TRIM49D1: variants seen among roughly 807,000 people sequenced by gnomAD.
TRIM49D1 encodes tripartite motif-containing protein 49D.
rs539301883 is a variant in TRIM49D1 at position 89,921,074 on chromosome 11, A to C, written c.-215-565T>G. Among the ~76,000 whole-genome samples, 128 of 152,202 alleles carry C rather than the reference A, an allele frequency of 8.4e-4. 2 individuals carry two copies. In the South Asian group the frequency reaches 0.01, roughly 12 times the overall value. Reference sequence around the variant, plus strand: ...CTTTAGTACATTTATAGGATATTCGAAGAGAAGTCCAACAGGAAGATAAAA... The same window carrying C: ...CTTTAGTACATTTATAGGATATTCGCAGAGAAGTCCAACAGGAAGATAAAA... On this transcript the variant is annotated intron_variant, in intron 1 of 7. Coordinates refer to ENST00000420869, the MANE Select transcript of TRIM49D1 (RefSeq NM_001384911.1).
rs879316754 is a variant in TRIM49D1, at chr11:89,922,050, T to G, written c.-414A>C. 5.9e-5 allele frequency among the ~76,000 whole-genome samples: 9 copies of G among 151,926 alleles called. No individual in the cohort carries two copies. The highest frequency in any genetic ancestry group is 1.3e-4 in the Non-Finnish European group (9 of 68,022). ...TTGAATAGGGTGTCCTCTCCCCACT[T>G]TATGTTTTTGTTTGCTTTGTCAAAG... On this transcript the variant is annotated 5_prime_UTR_variant, in exon 1 of 8. Transcript: ENST00000420869.
chr11:89,920,784 G>C (rs892402305), intron 1 of TRIM49D1, among the ~76,000 whole-genome samples: 12 of 152,022 alleles, frequency 7.9e-5, no homozygotes, highest in Non-Finnish European at 1.6e-4. Flanking sequence ...TGCTTGTGGA[G>C]TGCAGTGGTA....
intron 1 of TRIM49D1, among the ~76,000 whole-genome samples, 135 bp from the exon 2 acceptor site, chr11:89,920,644 T>C (rs1950326236): frequency 6.6e-6 from 1 of 152,104 alleles, no homozygotes; most frequent in African/African-American, 2.4e-5. Context: ...GAATCATATG[T>C]AACATAAATC....
At chr11:89,921,660 A>C (rs971491541) in intron 1 of TRIM49D1, 192 bp downstream of exon 1, 3 of 152,068 alleles carry the variant, frequency 2.0e-5, no homozygotes, top group Non-Finnish European at 4.4e-5. Flanking sequence ...AGCAAGTATG[A>C]GATCCCTGTT....
At chr11:89,921,090 G>A (rs72954723) in intron 1 of TRIM49D1, among the ~76,000 whole-genome samples, 3,184 of 152,066 alleles carry the variant, frequency 0.021, 56 homozygotes, top group East Asian at 0.042. Flanking sequence ...AGTCCAACAG[G>A]AAGATAAAAC....
Position 89,912,605 on chromosome 11 carries a change from G to GT in TRIM49D1, c.860-520dup, listed in dbSNP as rs1045303506. 5.4e-4 allele frequency among the ~76,000 whole-genome samples: 72 copies of GT among 132,430 alleles called. 1 individual carries two copies. The highest frequency in any genetic ancestry group is 1.7e-3 in the African/African-American group (65 of 37,960). 86.9% of individuals were successfully genotyped at this position (132,430 alleles called of 152,430 possible). On this transcript the variant is annotated intron_variant, in intron 7 of 7. Coordinates refer to ENST00000420869, the MANE Select transcript of TRIM49D1 (RefSeq NM_001384911.1). ...TGCAAAATCTTTTACCAGTCTCTCT[G>GT]TTGGCCCTCCATGCTAGCTTGGGGC... is the stretch of plus-strand genomic sequence containing the variant.
In TRIM49D1 at chr11:89,922,155, C is replaced by G. The variant is rs972665141; in HGVS notation, c.-519G>C. Among the ~76,000 whole-genome samples, 1 of 151,804 alleles carries G rather than the reference C, an allele frequency of 6.6e-6. No homozygotes were observed. Among genetic ancestry groups the G allele is most frequent in the African/African-American group, 2.4e-5 (1 of 41,200 alleles). On this transcript the variant is annotated 5_prime_UTR_variant, in exon 1 of 8. Coordinates refer to ENST00000420869, the MANE Select transcript of TRIM49D1 (RefSeq NM_001384911.1). ...CTGGTCTATGTGCCTATTTTTGTAC[C>G]AGTACCATGCTGTTTTGGTGATGAA...
intron 1 of TRIM49D1, among the ~76,000 whole-genome samples, chr11:89,920,797 G>A (rs543958845): frequency 6.6e-6 from 1 of 152,132 alleles, no homozygotes; most frequent in Non-Finnish European, 1.5e-5. Context: ...CAGTGGTACA[G>A]TCATAGCTCA....
chr11:89,911,526 AG>A lies in TRIM49D1; in HGVS notation c.*60del. The A allele has an allele frequency of 1.7e-6, 1 of 575,058 alleles. No individual in the cohort carries two copies. The highest frequency in any genetic ancestry group is 3.0e-6 in the Non-Finnish European group (1 of 329,296). 35.6% of individuals were successfully genotyped at this position (575,058 alleles called of 1,614,324 possible). A position where few individuals can be genotyped will look rare whatever the true frequency, so the allele number is the denominator to read the frequency against. On this transcript the variant is annotated 3_prime_UTR_variant, in exon 8 of 8. Transcript: ENST00000420869. Reference sequence around the variant, plus strand: ...TCCTGTTTGATAAGGCACAAGGAAGAGGGCTTTCTGGGATAAAGGGGTTCCC... The same window carrying A: ...TCCTGTTTGATAAGGCACAAGGAAGAGGCTTTCTGGGATAAAGGGGTTCCC...
intron 1 of TRIM49D1, among the ~76,000 whole-genome samples, chr11:89,921,299 A>T (rs562002490): frequency 1.3e-5 from 2 of 152,216 alleles, no homozygotes; most frequent in African/African-American, 4.8e-5. Context: ...TTTGGGGATT[A>T]TAAACAAGTT....
chr11:89,920,575 T>A (rs1950325359), intron 1 of TRIM49D1, 66 bp from the exon 2 acceptor site: 1 of 280,540 alleles, frequency 3.6e-6, no homozygotes, highest in Non-Finnish European at 6.6e-6. Context: ...AGTATTTAGA[T>A]CGCACCTTTG....
chr11:89,920,760 C>G (rs904543675), intron 1 of TRIM49D1, among the ~76,000 whole-genome samples: 3 of 152,100 alleles, frequency 2.0e-5, no homozygotes, highest in Non-Finnish European at 2.9e-5. Context: ...TTTATTTATT[C>G]TAGAGAAACT....
intron 1 of TRIM49D1, 126 bp downstream of exon 1, chr11:89,921,726 A>C (rs1232499966): frequency 1.3e-5 from 2 of 152,044 alleles, no homozygotes; most frequent in Non-Finnish European, 2.9e-5. Context: ...GTCAGGATTC[A>C]AAGCTTTGGT....
At chr11:89,920,985 G>T (rs372503337) in intron 1 of TRIM49D1, among the ~76,000 whole-genome samples, 2 of 152,030 alleles carry the variant, frequency 1.3e-5, no homozygotes, top group Admixed American at 6.5e-5. Flanking sequence ...TAATCCTCTG[G>T]TCTTGGACTT....
rs1950336816 is a variant in TRIM49D1, at chr11:89,921,893, C to T, written c.-257G>A. On this transcript the variant is annotated 5_prime_UTR_variant, in exon 1 of 8. It removes an upstream start codon present in the reference 5' UTR. Coordinates refer to ENST00000420869, the MANE Select transcript of TRIM49D1 (RefSeq NM_001384911.1). ...GTTACAAGAGCAGGACCTTTCGTTA[C>T]ATCTGCAAAATACCTTCCCAGTAGG... 6.6e-6 allele frequency: 1 copy of T among 152,118 alleles called. No individual in the cohort carries two copies. The highest frequency in any genetic ancestry group is 6.5e-5 in the Admixed American group (1 of 15,276). 9.4% of individuals were successfully genotyped at this position (152,118 alleles called of 1,614,324 possible).
In TRIM49D1 at chr11:89,921,936, A is replaced by G. The variant is rs1157975309; in HGVS notation, c.-300T>C. ...CCAGTAGGTCCTACGTGAGTGTTTC[A>G]TTGAATAACAATAAGAAAGTTTGTC... On this transcript the variant is annotated 5_prime_UTR_variant, in exon 1 of 8. It removes an upstream start codon present in the reference 5' UTR. Transcript: ENST00000420869. 6.6e-6 allele frequency among the ~76,000 whole-genome samples: 1 copy of G among 152,006 alleles called. No individual in the cohort carries two copies. The highest frequency in any genetic ancestry group is 1.5e-5 in the Non-Finnish European group (1 of 68,032).
chr11:89,921,482 A>T (rs769475591), intron 1 of TRIM49D1, among the ~76,000 whole-genome samples: 1 of 152,048 alleles, frequency 6.6e-6, no homozygotes, highest in South Asian at 2.1e-4. Flanking sequence ...AATAGCCCCC[A>T]CAAGACTTAT....
At chr11:89,920,797 G>T (rs543958845) in intron 1 of TRIM49D1, among the ~76,000 whole-genome samples, 1 of 152,014 alleles carries the variant, frequency 6.6e-6, no homozygotes. Flanking sequence ...CAGTGGTACA[G>T]TCATAGCTCA....
chr11:89,921,533 C>T (rs189559854), intron 1 of TRIM49D1: 1 of 152,032 alleles, frequency 6.6e-6, no homozygotes, highest in Non-Finnish European at 1.5e-5. Flanking sequence ...TCTGTCAGCC[C>T]TATGTCTGTC....
Sources: gnomAD v4.1 joint callset for allele counts (sites outside exome capture counted in the v4.1 genomes callset) on GRCh38, gnomAD v4.1.1 for gene constraint, MANE v1.5 for transcripts, NCBI Gene and HGNC (gene_info 2026-07-23, HGNC 2026-07-21) for gene names.